The following MYH10 variants were observed in gnomAD, a reference collection of about 807,000 sequenced individuals.
The protein encoded by MYH10 is myosin-10.
MYH10 carries 55 observed loss-of-function variants against 257.8 expected under a neutral mutation model. That is an observed-to-expected ratio of 0.21 (90% CI 0.17 to 0.27). The LOEUF (loss-of-function observed/expected upper bound fraction) is 0.27. Ranked by LOEUF, MYH10 falls within the 10% of genes least tolerant of loss-of-function variation. The pLI, the probability that MYH10 is intolerant of heterozygous loss-of-function variation, is 1.00. For synonymous variants in MYH10, 854 were observed against 921.7 expected, an observed-to-expected ratio of 0.93 and a Z score of 1.33; for missense variants, 1,631 against 2,500.6, an observed-to-expected ratio of 0.65 and a Z score of 7.42.
chr17:8,614,924 T>C (rs1467392986), intron 2 of MYH10, among the ~76,000 whole-genome samples: 6 of 152,198 alleles, frequency 3.9e-5, no homozygotes, highest in African/African-American at 1.2e-4. Context: ...AAAATAAGCA[T>C]ATTATGAACA....
chr17:8,490,536 T>C lies in MYH10; in HGVS notation c.4688A>G (p.Lys1563Arg). The change falls in exon 35 of 43, where the codon AAA (lysine) becomes AGA (arginine). Residue 1563 changes from lysine (K) to arginine (R), a missense_variant. Lys to Arg is a conservative substitution (Grantham distance 26, BLOSUM62 2). Around this residue, in one of 11 missense-constraint regions of MYH10, gnomAD observed 463 missense variants for 621.8 expected, o/e 0.74. Transcript: ENST00000360416. The surrounding 1 kb of genome is among the most constrained non-coding windows in gnomAD (Gnocchi z 4.1). ...DVGKNVHELE[K>R]SKRALEQQVE... ...CTGCTGCTCTAGGGCCCGTTTGGAT[T>C]TTTCAAGTTCGTGAACCTAAACCAC... is the stretch of plus-strand genomic sequence containing the variant. 6.2e-7 allele frequency: 1 copy of C among 1,614,206 alleles called. No homozygotes were observed.
In MYH10 at chr17:8,476,915, C is replaced by T; in HGVS notation, c.5840G>A (p.Gly1947Asp). ...ELDDATEANEGLSREVSTLKN... is the reference protein window; with the variant it reads ...ELDDATEANEDLSREVSTLKN... ...CAGGGTGCTGACCTCGCGGCTCAGG[C>T]CCTCGTTGGCCTCGGTGGCATCATC... Residue 1947 changes from glycine to aspartate, a missense_variant, in exon 42 of 43, where the codon GGC (glycine) becomes GAC (aspartate). Physicochemically the swap from Gly to Asp is moderately conservative, Grantham distance 94. This residue lies in a region of MYH10 where 343 missense variants were observed against 389.5 expected (regional missense o/e 0.88). Transcript: ENST00000360416. 1 of 1,612,728 alleles carries T rather than the reference C, an allele frequency of 6.2e-7. No homozygotes were observed. Among genetic ancestry groups the T allele is most frequent in the Non-Finnish European group, 8.5e-7 (1 of 1,180,026 alleles).
Position 8,480,018 on chromosome 17 carries a change from G to A in MYH10, c.5597+92C>T, listed in dbSNP as rs1213809467. On this transcript the variant is annotated intron_variant, in intron 40 of 42. Coordinates refer to ENST00000360416, the MANE Select transcript of MYH10 (RefSeq NM_001256012.3). ...GGTTATATGTGTTCTCTGCCCACGT[G>A]GTGGGGAGCCCCCCCGAAAGGGGCA... The A allele has an allele frequency of 3.3e-5, 42 of 1,258,624 alleles. 1 individual carries two copies. Among genetic ancestry groups the A allele is most frequent in the South Asian group, 3.2e-4 (24 of 74,166 alleles). The allele number at this position is 1,258,624 out of a possible 1,614,324, so 78.0% of individuals were successfully genotyped here.
At chr17:8,553,642 T>C (rs1281226032) in intron 8 of MYH10, among the ~76,000 whole-genome samples, 1 of 152,172 alleles carries the variant, frequency 6.6e-6, no homozygotes, top group East Asian at 1.9e-4. Flanking sequence ...ATATCAGAAG[T>C]AGATGGTAAA....
intron 35 of MYH10, among the ~76,000 whole-genome samples, chr17:8,489,442 GC>G (rs1490476137): frequency 6.6e-6 from 1 of 152,210 alleles, no homozygotes; most frequent in Non-Finnish European, 1.5e-5. Flanking sequence ...GGTGGCTCAT[GC>G]CTGTAATCCC....
At chr17:8,557,584 T>C (rs1233884245) in intron 7 of MYH10, among the ~76,000 whole-genome samples, 2 of 152,164 alleles carry the variant, frequency 1.3e-5, no homozygotes, top group Non-Finnish European at 2.9e-5. Flanking sequence ...TTGACGAGCT[T>C]GATATACTCA....
chr17:8,522,040 A>G (rs2081670550), intron 17 of MYH10, among the ~76,000 whole-genome samples: 1 of 152,250 alleles, frequency 6.6e-6, no homozygotes. Flanking sequence ...AGTACTTCTA[A>G]TGATGAGACC....
rs1450210595 is a variant in MYH10 at position 8,567,016 on chromosome 17, G to T, written c.756+2704C>A. On this transcript the variant is annotated intron_variant, in intron 7 of 42. Transcript: ENST00000360416. ...GGGAAACAGAATAGATTAGTAACTT[G>T]ATTTCTGTGGTAAGATAAACAATTT... 2.0e-5 allele frequency among the ~76,000 whole-genome samples: 3 copies of T among 152,158 alleles called. No individual in the cohort carries two copies. In the South Asian group the frequency reaches 6.2e-4, roughly 31 times the overall value.
intron 25 of MYH10, among the ~76,000 whole-genome samples, chr17:8,509,448 C>T (rs1028866633): frequency 5.3e-5 from 8 of 152,228 alleles, no homozygotes; most frequent in Admixed American, 1.3e-4. Flanking sequence ...AAGGCTTACA[C>T]GTCTTGGTGC....
chr17:8,487,326 C>CA, intron 36 of MYH10, 107 bp downstream of exon 36: 1 of 1,369,708 alleles, frequency 7.3e-7, no homozygotes, highest in South Asian at 1.3e-5. Flanking sequence ...CACCCCCGGC[C>CA]ACGCTGACAG....
chr17:8,527,902 C>T (rs568722209), intron 17 of MYH10, among the ~76,000 whole-genome samples: 25 of 152,358 alleles, frequency 1.6e-4, no homozygotes, highest in Non-Finnish European at 3.2e-4. Flanking sequence ...AAACCTTCAT[C>T]CATTGAAAGC....
chr17:8,556,493 G>A (rs1381778107), intron 7 of MYH10, among the ~76,000 whole-genome samples: 2 of 152,240 alleles, frequency 1.3e-5, no homozygotes, highest in East Asian at 1.9e-4. Context: ...AAAGCATTCT[G>A]CTGTGTGAAA....
chr17:8,572,688 T>C (rs1028688145), intron 6 of MYH10, among the ~76,000 whole-genome samples: 2 of 152,066 alleles, frequency 1.3e-5, no homozygotes, highest in East Asian at 1.9e-4. Flanking sequence ...AGAGTCACCA[T>C]GGTAATGGTG....
chr17:8,605,267 T>C (rs1597955458), intron 2 of MYH10, among the ~76,000 whole-genome samples: 1 of 152,188 alleles, frequency 6.6e-6, no homozygotes, highest in South Asian at 2.1e-4. Flanking sequence ...GTGGCTATCA[T>C]AAGGTACAAT....
Position 8,478,574 on chromosome 17 carries a change from A to G in MYH10, c.5598-128T>C, listed in dbSNP as rs1913103224. 4 of 782,142 alleles carry G rather than the reference A, an allele frequency of 5.1e-6. No homozygotes were observed. In the South Asian group the frequency reaches 6.6e-5, roughly 13 times the overall value. The allele number at this position is 782,142 out of a possible 1,614,324, so 48.5% of individuals were successfully genotyped here. On this transcript the variant is annotated intron_variant, in intron 40 of 42. Coordinates refer to ENST00000360416, the MANE Select transcript of MYH10 (RefSeq NM_001256012.3). ...GGAGGCATTATGGACCTCTCTGTCC[A>G]GAATTCATGACTAATGTGCTGAAAC... is the stretch of plus-strand genomic sequence containing the variant.
At chr17:8,561,685 C>G in intron 7 of MYH10, 3 of 630,042 alleles carry the variant, frequency 4.8e-6, no homozygotes, top group Non-Finnish European at 8.3e-6. Flanking sequence ...AACAGGTGAG[C>G]TGTAGAGAAA....
intron 2 of MYH10, 43 bp downstream of exon 2, chr17:8,622,859 T>A: frequency 6.3e-7 from 1 of 1,586,910 alleles, no homozygotes; most frequent in East Asian, 2.2e-5. Context: ...TTACATTAAT[T>A]CCTAGCTACC....
intron 19 of MYH10, 63 bp downstream of exon 19, chr17:8,520,815 T>C (rs1186561893): frequency 1.3e-6 from 2 of 1,498,132 alleles, no homozygotes; most frequent in Non-Finnish European, 1.8e-6. Context: ...ATTTTATCAC[T>C]GTTTTAATTC....
intron 40 of MYH10, among the ~76,000 whole-genome samples, chr17:8,479,391 ATAT>A (rs1913278181): frequency 6.6e-6 from 1 of 152,248 alleles, no homozygotes; most frequent in Non-Finnish European, 1.5e-5. Context: ...TGCTTAACAA[ATAT>A]TATGCAAAAG....
Sources: gnomAD v4.1 joint callset for allele counts (sites outside exome capture counted in the v4.1 genomes callset) on GRCh38, gnomAD v4.1.1 for gene constraint, gnomAD v4.1.1 regional missense constraint, Gnocchi (gnomAD v3.1) non-coding constraint, MANE v1.5 for transcripts, NCBI Gene and HGNC (gene_info 2026-07-23, HGNC 2026-07-21) for gene names.